Variants in TNFAIP8L3 observed in about 807,000 individuals in gnomAD.
The protein encoded by TNFAIP8L3 is tumor necrosis factor alpha-induced protein 8-like protein 3.
A neutral mutation model predicts 11.8 loss-of-function variants in TNFAIP8L3; 7 were observed. That is an observed-to-expected ratio of 0.59 (90% CI 0.34 to 1.11). TNFAIP8L3 has a LOEUF of 1.11. Among genes scored for constraint, TNFAIP8L3 ranks in the 50% most tolerant of loss-of-function variants. TNFAIP8L3 has a pLI of 0.03. For missense variants in TNFAIP8L3, 219 were observed against 258.6 expected, an observed-to-expected ratio of 0.85 and a Z score of 1.05; for synonymous variants, 98 against 103.8, an observed-to-expected ratio of 0.94 and a Z score of 0.34.
At chr15:51,078,471 C>T (rs2065370288) in intron 1 of TNFAIP8L3, among the ~76,000 whole-genome samples, 1 of 152,090 alleles carries the variant, frequency 6.6e-6, no homozygotes, top group African/African-American at 2.4e-5. Context: ...TAGCCTCCTC[C>T]AGGCCTCCTC....
In TNFAIP8L3 at chr15:51,094,721, G is replaced by A; in HGVS notation, c.-126C>T. The A allele has an allele frequency of 1.0e-6, 1 of 986,502 alleles. No homozygotes were observed. Among genetic ancestry groups the A allele is most frequent in the Non-Finnish European group, 1.2e-6 (1 of 832,090 alleles). The allele number at this position is 986,502 out of a possible 1,614,324, so 61.1% of individuals were successfully genotyped here. On this transcript the variant is annotated 5_prime_UTR_variant, in exon 1 of 2. Transcript: ENST00000637513. The surrounding 1 kb of genome is among the most constrained non-coding windows in gnomAD (Gnocchi z 4.4). ...CGGGCGGCGCGGGCGGCGCGGGCTG[G>A]GCGGTGCGCGGCGGCAGCGGCCAGG...
chr15:51,104,198 T>C (rs567029850), intron 1 of TNFAIP8L3, among the ~76,000 whole-genome samples: 43 of 152,194 alleles, frequency 2.8e-4, no homozygotes, highest in Non-Finnish European at 4.7e-4. Flanking sequence ...ATTTCTACCA[T>C]GAGTCTCTTG....
In TNFAIP8L3 at chr15:51,094,498, C is replaced by G; in HGVS notation, c.52+46G>C. ...ATTTCATGCCCCAGCCTCCCGTCCTCCCCAGCCCCAGCCCACCCGCCTGGG... is the reference window on the plus strand; with the variant it reads ...ATTTCATGCCCCAGCCTCCCGTCCTGCCCAGCCCCAGCCCACCCGCCTGGG... On this transcript the variant is annotated intron_variant, in intron 1 of 1. Coordinates refer to ENST00000637513, the MANE Select transcript of TNFAIP8L3 (RefSeq NM_001311175.2). This position sits in a 1 kb window ranked among gnomAD's most constrained non-coding sequence, Gnocchi z 4.4. 6.9e-7 allele frequency: 1 copy of G among 1,442,032 alleles called. No homozygotes were observed. Among genetic ancestry groups the G allele is most frequent in the Non-Finnish European group, 9.1e-7 (1 of 1,099,632 alleles). The allele number at this position is 1,442,032 out of a possible 1,614,324, so 89.3% of individuals were successfully genotyped here. A position where few individuals can be genotyped will look rare whatever the true frequency, so the allele number is the denominator to read the frequency against.
At chr15:51,081,069 T>C (rs2065388389) in intron 1 of TNFAIP8L3, among the ~76,000 whole-genome samples, 1 of 152,238 alleles carries the variant, frequency 6.6e-6, no homozygotes, top group African/African-American at 2.4e-5. Context: ...AGATTTTTGC[T>C]TCGTGACTTA....
At chr15:51,065,935 T>C (rs778653242) in intron 1 of TNFAIP8L3, among the ~76,000 whole-genome samples, 15 of 152,068 alleles carry the variant, frequency 9.9e-5, no homozygotes, top group Non-Finnish European at 1.8e-4. Context: ...ATGGGCATCA[T>C]TTGTCAAGGC....
In TNFAIP8L3 at chr15:51,094,828, G is replaced by C; in HGVS notation, c.-233C>G. 1 of 478,130 alleles carries C rather than the reference G, an allele frequency of 2.1e-6. No homozygotes were observed. The highest frequency in any genetic ancestry group is 2.7e-6 in the Non-Finnish European group (1 of 367,990). 29.6% of individuals were successfully genotyped at this position (478,130 alleles called of 1,614,324 possible). A position where few individuals can be genotyped will look rare whatever the true frequency, so the allele number is the denominator to read the frequency against. ...GTGCCTGCGCGCGAGGCGAGCGCAG[G>C]GCGGAGGGTGGGGCGCTCCGGGAGA... On this transcript the variant is annotated 5_prime_UTR_variant, in exon 1 of 2. Coordinates refer to ENST00000637513, the MANE Select transcript of TNFAIP8L3 (RefSeq NM_001311175.2). This position sits in a 1 kb window ranked among gnomAD's most constrained non-coding sequence, Gnocchi z 4.4.
intron 1 of TNFAIP8L3, among the ~76,000 whole-genome samples, chr15:51,087,063 A>G (rs1410517927): frequency 1.3e-5 from 2 of 152,000 alleles, no homozygotes; most frequent in Non-Finnish European, 2.9e-5. Flanking sequence ...TAATTTTTGT[A>G]TTTTTAGTAG....
chr15:51,100,197 G>A (rs760749465), intron 1 of TNFAIP8L3, among the ~76,000 whole-genome samples: 1 of 152,188 alleles, frequency 6.6e-6, no homozygotes, highest in African/African-American at 2.4e-5. Context: ...GGAAGTGACT[G>A]TCACAGATAC....
upstream of TNFAIP8L3, among the ~76,000 whole-genome samples, chr15:51,096,252 A>C (rs1401003533): frequency 2.6e-5 from 4 of 152,330 alleles, no homozygotes; most frequent in African/African-American, 9.6e-5. Context: ...GTGTGGGCTT[A>C]ACAGAGTGCA....
At chr15:51,073,027 G>C (rs1172047629) in intron 1 of TNFAIP8L3, among the ~76,000 whole-genome samples, 1 of 95,140 alleles carries the variant, frequency 1.1e-5, no homozygotes, top group African/African-American at 4.2e-5. Context: ...ACAGAGTTTT[G>C]CTCTTGTTGC....
chr15:51,064,144 A>G (rs2065256001), intron 1 of TNFAIP8L3, among the ~76,000 whole-genome samples: 1 of 152,226 alleles, frequency 6.6e-6, no homozygotes, highest in Admixed American at 6.5e-5. Context: ...GCTTTAAGAA[A>G]AGACAACAAC....
intron 1 of TNFAIP8L3, among the ~76,000 whole-genome samples, chr15:51,092,423 C>A (rs1274704359): frequency 6.6e-6 from 1 of 152,218 alleles, no homozygotes; most frequent in Non-Finnish European, 1.5e-5. Context: ...GCAGCCCTAG[C>A]AAGGTGGTGA....
rs756078137 is a variant in TNFAIP8L3, at chr15:51,057,967, G to A, written c.529C>T (p.Leu177Phe). 8.7e-6 allele frequency: 14 copies of A among 1,614,024 alleles called. No homozygotes were observed. The African/African-American group carries it at 1.6e-4, about 18-fold the overall frequency. ...CTACAGTCTCCATCCAGACTATAGA[G>A]GGTGGAGAGGAACTCCACATCGGCA... Reference protein sequence around the residue: ...HFADVEFLSTLYSLDGDCRPN... With the variant: ...HFADVEFLSTFYSLDGDCRPN... The change falls in exon 2 of 2, where the codon CTC becomes TTC. Residue 177 changes from leucine to phenylalanine, a missense_variant. Leu to Phe is a conservative substitution (Grantham distance 22). Coordinates refer to ENST00000637513, the MANE Select transcript of TNFAIP8L3 (RefSeq NM_001311175.2).
rs1481750708 is a variant in TNFAIP8L3 at position 51,094,635 on chromosome 15, G to A, written c.-40C>T. On this transcript the variant is annotated 5_prime_UTR_variant, in exon 1 of 2. It adds an upstream start codon to the 5' untranslated region. Coordinates refer to ENST00000637513, the MANE Select transcript of TNFAIP8L3 (RefSeq NM_001311175.2). This position sits in a 1 kb window ranked among gnomAD's most constrained non-coding sequence, Gnocchi z 4.4. ...GCTGGGCGTCCACGGCCACCCGCCC[G>A]TCTGCGGGGCGCTCGGGCAGCCGCG... The A allele has an allele frequency of 3.5e-6, 5 of 1,421,444 alleles. No individual in the cohort carries two copies. The African/African-American group carries it at 4.4e-5, about 13-fold the overall frequency. The allele number at this position is 1,421,444 out of a possible 1,614,324, so 88.1% of individuals were successfully genotyped here.
chr15:51,083,307 G>C (rs1156252189), intron 1 of TNFAIP8L3, among the ~76,000 whole-genome samples: 1 of 152,128 alleles, frequency 6.6e-6, no homozygotes, highest in Non-Finnish European at 1.5e-5. Context: ...ATGGACTGAC[G>C]GTGGTGGTGG....
chr15:51,088,540 C>T (rs914356978), intron 1 of TNFAIP8L3, among the ~76,000 whole-genome samples: 3 of 152,306 alleles, frequency 2.0e-5, no homozygotes, highest in South Asian at 4.1e-4. Flanking sequence ...ACTATCACAG[C>T]ACCTGGCACC....
intron 1 of TNFAIP8L3, among the ~76,000 whole-genome samples, chr15:51,063,835 C>A (rs2065254179): frequency 6.6e-6 from 1 of 152,158 alleles, no homozygotes. Flanking sequence ...TCCATGGGCT[C>A]TGAAGGTGGA....
At chr15:51,103,297 T>A (rs529865625) in intron 1 of TNFAIP8L3, among the ~76,000 whole-genome samples, 1 of 152,360 alleles carries the variant, frequency 6.6e-6, no homozygotes, top group African/African-American at 2.4e-5. Context: ...TGGGCCTCTC[T>A]CCATTACTTC....
intron 1 of TNFAIP8L3, among the ~76,000 whole-genome samples, chr15:51,092,656 G>A (rs1446833758): frequency 1.3e-5 from 2 of 152,156 alleles, no homozygotes; most frequent in African/African-American, 4.8e-5. Flanking sequence ...TTCTTCATGG[G>A]GCCCATCTGA....
Sources: allele counts gnomAD v4.1 joint callset (sites outside exome capture counted in the v4.1 genomes callset), GRCh38; gene constraint gnomAD v4.1.1; non-coding constraint Gnocchi (gnomAD v3.1); transcripts MANE v1.5; gene names NCBI Gene and HGNC (gene_info 2026-07-23, HGNC 2026-07-21).